PDE4B: variants seen among roughly 807,000 people sequenced by gnomAD.
PDE4B encodes phosphodiesterase 4B.
A neutral mutation model predicts 82.2 loss-of-function variants in PDE4B; 20 were observed. The ratio of observed to expected loss-of-function variants is 0.24; its 90% CI spans 0.17 to 0.35. The LOEUF is 0.35. Among genes scored for constraint, PDE4B ranks in the 10% least tolerant of loss-of-function variants. The pLI is 1.00. For synonymous variants in PDE4B, 320 were observed against 318.9 expected, an observed-to-expected ratio of 1.00 and a Z score of -0.04; for missense variants, 655 against 907.2, an observed-to-expected ratio of 0.72 and a Z score of 3.57.
chr1:65,825,086 C>T lies in PDE4B; in HGVS notation c.-71+31838C>T, dbSNP rs1265209407. 2.6e-5 allele frequency among the ~76,000 whole-genome samples: 4 copies of T among 152,138 alleles called. No individual in the cohort carries two copies. In the South Asian group the frequency reaches 6.2e-4, roughly 24 times the overall value. ...TTCCTTACCTCTTTTATCTCTTTTC[C>T]CCTTCCATTAGAATTTGAAAAGCCA... On this transcript the variant is annotated intron_variant, in intron 1 of 16. Coordinates refer to ENST00000341517, the MANE Select transcript of PDE4B (RefSeq NM_002600.4).
intron 3 of PDE4B, among the ~76,000 whole-genome samples, chr1:66,053,881 TA>T (rs935515795): frequency 7.1e-4 from 108 of 152,020 alleles, no homozygotes; most frequent in African/African-American, 2.5e-3. Context: ...ATAATAATAA[TA>T]AAAGGAATGG....
intron 3 of PDE4B, among the ~76,000 whole-genome samples, chr1:66,152,917 C>T (rs1214240486): frequency 6.6e-6 from 1 of 151,980 alleles, no homozygotes; most frequent in African/African-American, 2.4e-5. Context: ...AGCAGGAGAC[C>T]CCACATGCAT....
At chr1:66,183,986 C>T (rs183261916) in intron 3 of PDE4B, among the ~76,000 whole-genome samples, 119 of 152,156 alleles carry the variant, frequency 7.8e-4, no homozygotes, top group African/African-American at 2.6e-3. Context: ...ATGTGGCCTT[C>T]GGGAGTCAAG....
chr1:65,981,310 C>G (rs897395979), intron 3 of PDE4B, among the ~76,000 whole-genome samples: 2 of 152,068 alleles, frequency 1.3e-5, no homozygotes, highest in African/African-American at 4.8e-5. Context: ...ATACTTTCTT[C>G]CAAAACTGGC....
chr1:66,225,332 C>T (rs1380641327), intron 3 of PDE4B, among the ~76,000 whole-genome samples: 1 of 152,202 alleles, frequency 6.6e-6, no homozygotes, highest in Non-Finnish European at 1.5e-5. Flanking sequence ...TCAATATTCT[C>T]ACTTTTGCCA....
chr1:66,135,641 C>T (rs936486499), intron 3 of PDE4B, among the ~76,000 whole-genome samples: 1 of 152,068 alleles, frequency 6.6e-6, no homozygotes, highest in Non-Finnish European at 1.5e-5. Flanking sequence ...CTATGTGAGG[C>T]ATTCAGTTTG....
chr1:66,224,680 T>C (rs1651289894), intron 3 of PDE4B, among the ~76,000 whole-genome samples: 1 of 152,108 alleles, frequency 6.6e-6, no homozygotes, highest in Non-Finnish European at 1.5e-5. Context: ...GATTGTGCCA[T>C]TGCACTCCAT....
At chr1:66,046,948 A>AT (rs1374784581) in intron 3 of PDE4B, among the ~76,000 whole-genome samples, 2 of 151,916 alleles carry the variant, frequency 1.3e-5, no homozygotes, top group Non-Finnish European at 2.9e-5. Flanking sequence ...CTTTAATTAG[A>AT]TTTTTATCTA....
chr1:66,162,803 T>A (rs629250), intron 3 of PDE4B, among the ~76,000 whole-genome samples: 42,084 of 152,048 alleles, frequency 0.28, 6,869 homozygotes, highest in Middle Eastern at 0.43. Context: ...GGTCATAGTG[T>A]ATGAATGAGG....
chr1:66,067,994 A>C (rs1655953033), intron 3 of PDE4B, among the ~76,000 whole-genome samples: 1 of 151,496 alleles, frequency 6.6e-6, no homozygotes, highest in Admixed American at 6.6e-5. Context: ...CCTAATGCTA[A>C]ATGACGAGTT....
At chr1:66,105,340 T>C (rs1042946030) in intron 3 of PDE4B, among the ~76,000 whole-genome samples, 4 of 151,994 alleles carry the variant, frequency 2.6e-5, no homozygotes, top group Middle Eastern at 3.4e-3. Flanking sequence ...TTGGTTACTG[T>C]AGCCTTGTAG....
chr1:65,853,535 T>C (rs1393821343), intron 1 of PDE4B, among the ~76,000 whole-genome samples: 3 of 151,942 alleles, frequency 2.0e-5, no homozygotes, highest in Non-Finnish European at 4.4e-5. Flanking sequence ...TAACCCTTTT[T>C]TTTTTTTATT....
At chr1:65,844,147 G>A (rs901711158) in intron 1 of PDE4B, among the ~76,000 whole-genome samples, 5 of 152,108 alleles carry the variant, frequency 3.3e-5, no homozygotes, top group African/African-American at 7.2e-5. Context: ...GACATCTGAC[G>A]CTTCTGAATT....
chr1:66,088,177 G>A (rs975710647), intron 3 of PDE4B, among the ~76,000 whole-genome samples: 18 of 149,696 alleles, frequency 1.2e-4, no homozygotes, highest in African/African-American at 3.5e-4. Flanking sequence ...AAGAGGGGTG[G>A]GGAGGACACA....
intron 3 of PDE4B, among the ~76,000 whole-genome samples, chr1:65,957,592 T>C (rs1569814290): frequency 6.6e-6 from 1 of 152,158 alleles, no homozygotes; most frequent in East Asian, 1.9e-4. Context: ...GTTATAACTT[T>C]CATTGTAATT....
chr1:66,110,077 G>A (rs1218870063), intron 3 of PDE4B, among the ~76,000 whole-genome samples: 1 of 151,932 alleles, frequency 6.6e-6, no homozygotes, highest in African/African-American at 2.4e-5. Context: ...AGTGGAGTCA[G>A]GGTACCATAT....
intron 3 of PDE4B, among the ~76,000 whole-genome samples, chr1:66,015,034 T>C (rs1240653462): frequency 6.6e-6 from 1 of 152,144 alleles, no homozygotes; most frequent in African/African-American, 2.4e-5. Context: ...TACTTGGTAG[T>C]TGGTTTTTTA....
At chr1:65,902,521 G>T (rs1446026820) in intron 1 of PDE4B, among the ~76,000 whole-genome samples, 1 of 152,028 alleles carries the variant, frequency 6.6e-6, no homozygotes, top group Non-Finnish European at 1.5e-5. Context: ...GTCCTCCTAG[G>T]CAGACTTACA....
At chr1:66,173,584 A>T (rs1423907720) in intron 3 of PDE4B, among the ~76,000 whole-genome samples, 1 of 152,238 alleles carries the variant, frequency 6.6e-6, no homozygotes, top group Non-Finnish European at 1.5e-5. Flanking sequence ...TCAAAATGGA[A>T]CATCACAATT....
Sources: allele counts gnomAD v4.1 joint callset (sites outside exome capture counted in the v4.1 genomes callset), GRCh38; gene constraint gnomAD v4.1.1; transcripts MANE v1.5; gene names NCBI Gene and HGNC (gene_info 2026-07-23, HGNC 2026-07-21).